The following SLC8A1 variants were observed in gnomAD, a reference collection of about 807,000 sequenced individuals.
The protein encoded by SLC8A1 is sodium/calcium exchanger 1.
In SLC8A1, 18 loss-of-function variants were observed where a neutral mutation model predicts 68.3. That is an observed-to-expected ratio of 0.26 (90% CI 0.18 to 0.39). The LOEUF (loss-of-function observed/expected upper bound fraction) is 0.39, where lower values mean the gene tolerates loss of function less well. Ranked by LOEUF, SLC8A1 falls within the 10% of genes least tolerant of loss-of-function variation. The probability of loss-of-function intolerance (pLI) is 1.00; values close to 1 mark genes in which losing one functional copy is unlikely to be tolerated. For synonymous variants in SLC8A1, 475 were observed against 415.5 expected (o/e 1.14, Z -1.74); for missense variants, 985 against 1,156.7 (o/e 0.85, Z 2.15).
At chr2:40,410,282 G>C (rs1299374198) in intron 2 of SLC8A1, among the ~76,000 whole-genome samples, 1 of 151,962 alleles carries the variant, frequency 6.6e-6, no homozygotes, top group Non-Finnish European at 1.5e-5. Context: ...AGAAATACCA[G>C]CAAAATCTTT....
chr2:40,427,626 T>G (rs1368365374), intron 2 of SLC8A1, among the ~76,000 whole-genome samples: 1 of 152,064 alleles, frequency 6.6e-6, no homozygotes, highest in African/African-American at 2.4e-5. Context: ...ATATCAACTC[T>G]CAGTCGAAGA....
chr2:40,137,904 C>T (rs1465269806), intron 7 of SLC8A1, among the ~76,000 whole-genome samples: 2 of 152,104 alleles, frequency 1.3e-5, no homozygotes, highest in Non-Finnish European at 2.9e-5. Context: ...CAGTCAGTTG[C>T]ATAACACCAT....
At chr2:40,414,311 C>T (rs1306567173) in intron 2 of SLC8A1, among the ~76,000 whole-genome samples, 1 of 152,176 alleles carries the variant, frequency 6.6e-6, no homozygotes, top group Non-Finnish European at 1.5e-5. Flanking sequence ...AACATCTGTA[C>T]ACATCTGCAG....
In SLC8A1 at chr2:40,191,133, T is replaced by C. The variant is rs535454568; in HGVS notation, c.1809-13278A>G. Among the ~76,000 whole-genome samples, 4 of 152,306 alleles carry C rather than the reference T, an allele frequency of 2.6e-5. No homozygotes were observed. The East Asian group carries it at 7.7e-4, about 29-fold the overall frequency. On this transcript the variant is annotated intron_variant, in intron 2 of 7. Transcript: ENST00000406785. ...CTAATCCCAAACAAGTAATTAAATA[T>C]AGTATAAACTACAAAGTAAAAGTCA...
At chr2:40,507,769 A>G (rs926610409) in intron 1 of SLC8A1, among the ~76,000 whole-genome samples, 1 of 152,062 alleles carries the variant, frequency 6.6e-6, no homozygotes, top group African/African-American at 2.4e-5. Flanking sequence ...ATAAATTAAT[A>G]CCTGTAATTT....
At chr2:40,274,035 G>C (rs537831936) in intron 2 of SLC8A1, among the ~76,000 whole-genome samples, 19 of 151,682 alleles carry the variant, frequency 1.3e-4, no homozygotes, top group African/African-American at 4.1e-4. Flanking sequence ...CAGCCTGTCT[G>C]TCGCCTTATA....
intron 2 of SLC8A1, among the ~76,000 whole-genome samples, chr2:40,286,439 A>C (rs1380150030): frequency 2.0e-5 from 3 of 152,186 alleles, no homozygotes; most frequent in Non-Finnish European, 4.4e-5. Flanking sequence ...TTATGTTAAG[A>C]CTACTACATG....
At chr2:40,146,021 G>T (rs1273116459) in intron 6 of SLC8A1, among the ~76,000 whole-genome samples, 1 of 152,066 alleles carries the variant, frequency 6.6e-6, no homozygotes, top group Non-Finnish European at 1.5e-5. Flanking sequence ...TACCTTAATT[G>T]GTGGGAAGTA....
chr2:40,198,473 T>TAAAAGC (rs2053513689), intron 2 of SLC8A1, among the ~76,000 whole-genome samples: 1 of 152,016 alleles, frequency 6.6e-6, no homozygotes, highest in African/African-American at 2.4e-5. Context: ...TTCATATCAC[T>TAAAAGC]TCTATAAAAT....
In SLC8A1 at chr2:40,277,794, GTATATATATATATATA is replaced by G. The variant is rs56145701; in HGVS notation, c.1809-99955_1809-99940del. Among the ~76,000 whole-genome samples the G allele has an allele frequency of 1.0e-3, 111 of 108,024 alleles. 1 individual carries two copies. Among genetic ancestry groups the G allele is most frequent in the Admixed American group, 5.3e-3 (49 of 9,294 alleles). The allele number at this position is 108,024 out of a possible 152,430, so 70.9% of individuals were successfully genotyped here. On this transcript the variant is annotated intron_variant, in intron 2 of 7. Coordinates refer to ENST00000406785, the Ensembl canonical transcript of SLC8A1. Reference sequence around the variant, plus strand: ...TATGTATAAATATATATATATGTGTGTATATATATATATATATATATATATATATATATATATTTGT... The same window carrying G: ...TATGTATAAATATATATATATGTGTGTATATATATATATATATATATTTGT...
chr2:40,403,328 G>T (rs571038812), intron 2 of SLC8A1, among the ~76,000 whole-genome samples: 1 of 152,156 alleles, frequency 6.6e-6, no homozygotes, highest in East Asian at 1.9e-4. Context: ...AAATGCTCTC[G>T]TTTCATGGTT....
intron 2 of SLC8A1, among the ~76,000 whole-genome samples, chr2:40,421,738 T>A (rs1576359017): frequency 1.3e-5 from 2 of 152,094 alleles, no homozygotes; most frequent in East Asian, 1.9e-4. Context: ...GAAACTGTCA[T>A]CTACAGCACC....
chr2:40,316,315 C>A (rs1001445014), intron 2 of SLC8A1, among the ~76,000 whole-genome samples: 4 of 152,012 alleles, frequency 2.6e-5, no homozygotes, highest in African/African-American at 9.7e-5. Context: ...TTGAAAGGAA[C>A]ACCACTTGAA....
In SLC8A1 at chr2:40,163,996, T is replaced by C. The variant is rs937828557; in HGVS notation, c.2061+858A>G. ...TCTGGTGTTTCAAACAGGAACAGTG[T>C]CTGCTTTTGAAAAGTAAGCAGGTAA... On this transcript the variant is annotated intron_variant, in intron 5 of 7. Coordinates refer to ENST00000406785, the Ensembl canonical transcript of SLC8A1. 2.6e-5 allele frequency among the ~76,000 whole-genome samples: 4 copies of C among 152,352 alleles called. No individual in the cohort carries two copies. In the East Asian group the frequency reaches 7.7e-4, roughly 29 times the overall value.
At chr2:40,244,599 C>T (rs1048863084) in intron 2 of SLC8A1, among the ~76,000 whole-genome samples, 11 of 150,014 alleles carry the variant, frequency 7.3e-5, no homozygotes, top group Non-Finnish European at 1.5e-4. Context: ...GCACCAAACC[C>T]CACAAACTTT....
intron 6 of SLC8A1, among the ~76,000 whole-genome samples, chr2:40,152,426 A>G (rs1304367098): frequency 6.6e-6 from 1 of 152,064 alleles, no homozygotes; most frequent in Non-Finnish European, 1.5e-5. Flanking sequence ...TTGTTTTGAG[A>G]CACAGTCTTG....
Position 40,430,316 on chromosome 2 carries a change from A to G in SLC8A1, c.-24-12T>C. 1 of 1,565,414 alleles carries G rather than the reference A, an allele frequency of 6.4e-7. No individual in the cohort carries two copies. On this transcript the variant is annotated splice_polypyrimidine_tract_variant and intron_variant, in intron 1 of 7. Transcript: ENST00000406785. ...ACTGTCACAACCTACTGGTAAAAAT[A>G]AGATGGGGGAGAGGGCAGAAAAAAA...
intron 2 of SLC8A1, among the ~76,000 whole-genome samples, chr2:40,266,228 C>G (rs2065338292): frequency 6.6e-6 from 1 of 152,102 alleles, no homozygotes; most frequent in Non-Finnish European, 1.5e-5. Flanking sequence ...TCTTTTAAAA[C>G]TACAGAAGTA....
intron 2 of SLC8A1, among the ~76,000 whole-genome samples, chr2:40,291,752 A>T (rs912515564): frequency 1.3e-5 from 2 of 152,142 alleles, no homozygotes; most frequent in African/African-American, 2.4e-5. Flanking sequence ...ATTTTATGTT[A>T]GTGCATTTAT....
Sources: gnomAD v4.1 joint callset for allele counts (sites outside exome capture counted in the v4.1 genomes callset) on GRCh38, gnomAD v4.1.1 for gene constraint, MANE v1.5 for transcripts, NCBI Gene and HGNC (gene_info 2026-07-23, HGNC 2026-07-21) for gene names.